Variants in ATP12A observed in about 807,000 individuals in gnomAD.
ATP12A encodes the protein potassium-transporting ATPase alpha chain 2.
ATP12A carries 81 observed loss-of-function variants against 111.2 expected under a neutral mutation model. The ratio of observed to expected loss-of-function variants is 0.73; its 90% CI spans 0.61 to 0.88. The LOEUF (loss-of-function observed/expected upper bound fraction) is 0.88. Among genes scored for constraint, ATP12A ranks in the 40% least tolerant of loss-of-function variants. The probability of loss-of-function intolerance (pLI) is 0.00; values close to 1 mark genes in which losing one functional copy is unlikely to be tolerated. For missense variants in ATP12A, 1,196 were observed against 1,313.1 expected (o/e 0.91, Z 1.38); for synonymous variants, 498 against 499.8 (o/e 1.00, Z 0.05).
intron 13 of ATP12A, among the ~76,000 whole-genome samples, chr13:24,701,449 C>T (rs1019258068): frequency 1.1e-4 from 16 of 140,078 alleles, no homozygotes; most frequent in African/African-American, 2.7e-4. Context: ...TGCAGTGAGC[C>T]GAGATCACAC....
At chr13:24,687,875 C>T (rs1033152639) in intron 3 of ATP12A, among the ~76,000 whole-genome samples, 1 of 152,140 alleles carries the variant, frequency 6.6e-6, no homozygotes, top group Non-Finnish European at 1.5e-5. Context: ...TTAGTCCTCT[C>T]ACCGGATAAA....
In ATP12A at chr13:24,690,647, G is replaced by A. The variant is rs1384284866; in HGVS notation, c.725G>A (p.Arg242His). The A allele has an allele frequency of 3.1e-6, 5 of 1,613,724 alleles. No homozygotes were observed. The highest frequency in any genetic ancestry group is 2.2e-5 in the East Asian group (1 of 44,884). ...ACGGGGGAGTCTGAGCCCCAGCCCC[G>A]CTCCTCTGAGTTTACCCATGAAAAC... The part of the protein sequence containing the change: ...SLTGESEPQP[R>H]SSEFTHENPL... The change falls in exon 7 of 23, where the codon CGC becomes CAC. Residue 242 changes from arginine (R) to histidine (H), a missense_variant. Physicochemically the swap from Arg to His is conservative, Grantham distance 29 (BLOSUM62 0). Around this residue, in one of 3 missense-constraint regions of ATP12A, gnomAD observed 1,126 missense variants for 1,228.5 expected, o/e 0.92. Transcript: ENST00000381946.
At chr13:24,698,276 G>A (rs948152977) in intron 11 of ATP12A, among the ~76,000 whole-genome samples, 5 of 152,108 alleles carry the variant, frequency 3.3e-5, no homozygotes, top group South Asian at 2.1e-4. Context: ...GCTCAGAATA[G>A]TTTGGGTCTG....
intron 17 of ATP12A, among the ~76,000 whole-genome samples, chr13:24,707,850 T>C (rs1422699949): frequency 1.3e-5 from 2 of 152,096 alleles, no homozygotes; most frequent in East Asian, 3.9e-4. Context: ...GGCTAATTTT[T>C]GTATTTTTAG....
At chr13:24,702,412 G>T (rs1015171273) in intron 14 of ATP12A, among the ~76,000 whole-genome samples, 1 of 152,210 alleles carries the variant, frequency 6.6e-6, no homozygotes, top group Admixed American at 6.5e-5. Context: ...AGATGCAGTT[G>T]CATAATTTGG....
intron 11 of ATP12A, among the ~76,000 whole-genome samples, chr13:24,697,465 C>T (rs534742145): frequency 1.5e-4 from 23 of 151,894 alleles, no homozygotes; most frequent in Admixed American, 7.2e-4. Context: ...AAGACCTTAT[C>T]TCTACAAAAA....
rs1251571194 is a variant in ATP12A, at chr13:24,694,529, G to T, written c.1463G>T (p.Arg488Ile). 1 of 1,613,888 alleles carries T rather than the reference G, an allele frequency of 6.2e-7. No individual in the cohort carries two copies. The highest frequency in any genetic ancestry group is 8.5e-7 in the Non-Finnish European group (1 of 1,180,040). Reference sequence around the variant, plus strand: ...GGTGATGTGATGGAAATTAGAAAAAGAAACCGCAAAGTAGCTGAAATCCCT... The same window carrying T: ...GGTGATGTGATGGAAATTAGAAAAATAAACCGCAAAGTAGCTGAAATCCCT... Reference protein sequence around the residue: ...ILGDVMEIRKRNRKVAEIPFN... With the variant: ...ILGDVMEIRKINRKVAEIPFN... The change falls in exon 11 of 23, where the codon AGA becomes ATA. Residue 488 changes from arginine (R) to isoleucine (I), a missense_variant. Physicochemically the swap from Arg to Ile is moderately conservative, Grantham distance 97 (BLOSUM62 -3). Around this residue, in one of 3 missense-constraint regions of ATP12A, gnomAD observed 1,126 missense variants for 1,228.5 expected, o/e 0.92. Transcript: ENST00000381946.
intron 12 of ATP12A, 65 bp from the exon 13 acceptor site, chr13:24,700,682 C>A: frequency 4.0e-6 from 6 of 1,486,814 alleles, no homozygotes; most frequent in Non-Finnish European, 5.5e-6. Flanking sequence ...TGAGCATGTT[C>A]TCCTCTTATT....
At chr13:24,694,599 G>A (rs371204321) in intron 11 of ATP12A, 21 bp downstream of exon 11, 12 of 1,611,710 alleles carry the variant, frequency 7.4e-6, no homozygotes, top group African/African-American at 5.4e-5. Flanking sequence ...CCTCACAACC[G>A]GTAATCTCTG....
chr13:24,693,140 G>A (rs1254745575), intron 10 of ATP12A, among the ~76,000 whole-genome samples: 1 of 152,192 alleles, frequency 6.6e-6, no homozygotes, highest in African/African-American at 2.4e-5. Flanking sequence ...GGAAATGAAT[G>A]CACTTCTAAG....
At chr13:24,692,662 T>C (rs770179898) in intron 9 of ATP12A, 35 bp downstream of exon 9, 8 of 1,602,748 alleles carry the variant, frequency 5.0e-6, no homozygotes, top group Middle Eastern at 1.7e-4. Flanking sequence ...TGGCCAAAGC[T>C]GTGGACTCCA....
In ATP12A at chr13:24,711,504, T is replaced by C; in HGVS notation, c.3102T>C (p.Asp1034=). The C allele has an allele frequency of 6.2e-7, 1 of 1,614,188 alleles. No individual in the cohort carries two copies. Among genetic ancestry groups the C allele is most frequent in the Non-Finnish European group, 8.5e-7 (1 of 1,180,036 alleles). ...FIRLYPGSWW[D]KNMYY ...TTTCTACCTCTACAGGCTGGTGGGATAAGAACATGTATTATTAAGACCACC... is the reference window on the plus strand; with the variant it reads ...TTTCTACCTCTACAGGCTGGTGGGACAAGAACATGTATTATTAAGACCACC... The change falls in exon 23 of 23, where the codon GAT becomes GAC. Residue 1034 remains aspartate (D), a synonymous_variant. Coordinates refer to ENST00000381946, the MANE Select transcript of ATP12A (RefSeq NM_001676.7).
intron 12 of ATP12A, among the ~76,000 whole-genome samples, 157 bp downstream of exon 12, chr13:24,699,007 T>G (rs941561405): frequency 2.6e-5 from 4 of 152,128 alleles, no homozygotes; most frequent in Non-Finnish European, 2.9e-5. Context: ...GAGGATGCTG[T>G]GTGACAGCAC....
At chr13:24,700,058 C>T (rs1374354417) in intron 12 of ATP12A, among the ~76,000 whole-genome samples, 1 of 152,160 alleles carries the variant, frequency 6.6e-6, no homozygotes, top group East Asian at 1.9e-4. Context: ...AGCAGTGGGC[C>T]AGGCTGAAAA....
At chr13:24,702,501 C>T (rs1201491904) in intron 14 of ATP12A, among the ~76,000 whole-genome samples, 2 of 152,206 alleles carry the variant, frequency 1.3e-5, no homozygotes, top group Admixed American at 6.5e-5. Context: ...GGTTTCATAA[C>T]GTGTAGCTAT....
intron 10 of ATP12A, among the ~76,000 whole-genome samples, chr13:24,694,128 G>A (rs1439398789): frequency 2.0e-5 from 3 of 152,120 alleles, no homozygotes; most frequent in Non-Finnish European, 2.9e-5. Context: ...CCCTGCACCC[G>A]CATCCTGGTT....
intron 14 of ATP12A, among the ~76,000 whole-genome samples, chr13:24,705,308 G>A (rs373853461): frequency 1.3e-5 from 2 of 152,322 alleles, no homozygotes; most frequent in East Asian, 1.9e-4. Flanking sequence ...AGCATCCAGC[G>A]GGCAGGAGGG....
intron 20 of ATP12A, 58 bp from the exon 21 acceptor site, chr13:24,710,734 G>A (rs1875929653): frequency 6.9e-6 from 11 of 1,601,972 alleles, no homozygotes; most frequent in Non-Finnish European, 8.5e-6. Context: ...GGTCTGCTGG[G>A]TGTATGATCA....
chr13:24,693,709 A>G (rs1449102574), intron 10 of ATP12A, among the ~76,000 whole-genome samples: 1 of 152,190 alleles, frequency 6.6e-6, no homozygotes, highest in Non-Finnish European at 1.5e-5. Context: ...ATTGTCTATG[A>G]TATAACCATT....
Sources: gnomAD v4.1 joint callset for allele counts (sites outside exome capture counted in the v4.1 genomes callset) on GRCh38, gnomAD v4.1.1 for gene constraint, gnomAD v4.1.1 regional missense constraint, MANE v1.5 for transcripts, NCBI Gene and HGNC (gene_info 2026-07-23, HGNC 2026-07-21) for gene names.